The following USP10 variants were observed in gnomAD, a reference collection of about 807,000 sequenced individuals.
The protein encoded by USP10 is ubiquitin carboxyl-terminal hydrolase 10.
USP10 carries 22 observed loss-of-function variants against 84.5 expected under a neutral mutation model. The observed-to-expected ratio is 0.26, with a 90% CI of 0.19 to 0.37. The LOEUF (loss-of-function observed/expected upper bound fraction) is 0.37, where lower values mean the gene tolerates loss of function less well. Ranked by LOEUF, USP10 falls within the 10% of genes least tolerant of loss-of-function variation. The pLI is 1.00. For missense variants in USP10, 1,019 were observed against 998.9 expected, an observed-to-expected ratio of 1.02 and a Z score of -0.27; for synonymous variants, 454 against 387.6, an observed-to-expected ratio of 1.17 and a Z score of -2.01.
At position 84,744,659 on chromosome 16, in the gene USP10, G is replaced by A. The variant is rs1207479696; in HGVS notation, c.178G>A (p.Gly60Ser). 1.9e-6 allele frequency: 3 copies of A among 1,610,836 alleles called. No homozygotes were observed. The Admixed American group carries it at 5.0e-5, about 27-fold the overall frequency. Residue 60 changes from glycine to serine, a missense_variant, in exon 4 of 14, where the codon GGT becomes AGT. Physicochemically the swap from Gly to Ser is moderately conservative, Grantham distance 56. Around this residue, in one of 2 missense-constraint regions of USP10, gnomAD observed 787 missense variants for 708.8 expected, o/e 1.11. Coordinates refer to ENST00000219473, the MANE Select transcript of USP10 (RefSeq NM_005153.3). ...DGQEYQRIEF[G>S]VDEVIEPSDT... is the part of the protein sequence containing the mutation. The stretch of plus-strand genomic sequence containing the variant: ...ACAAGAATATCAGAGAATTGAGTTT[G>A]GTGTCGATGAAGTCATTGAACCCAG...
intron 3 of USP10, among the ~76,000 whole-genome samples, chr16:84,742,053 T>C (rs1910689391): frequency 6.6e-6 from 1 of 152,124 alleles, no homozygotes. Flanking sequence ...TCTCGGCCTT[T>C]TCTATTTTTG....
chr16:84,774,247 A>G (rs1228959078), intron 12 of USP10, among the ~76,000 whole-genome samples: 1 of 151,870 alleles, frequency 6.6e-6, no homozygotes, highest in Non-Finnish European at 1.5e-5. Context: ...CATCTCAAAA[A>G]AATAAATAAA....
intron 4 of USP10, 62 bp downstream of exon 4, chr16:84,745,735 A>G: frequency 2.0e-6 from 3 of 1,506,686 alleles, no homozygotes; most frequent in South Asian, 2.5e-5. Flanking sequence ...AACTGGGCTT[A>G]TAGACTGTGG....
Position 84,744,829 on chromosome 16 carries a change from G to A in USP10, c.348G>A (p.Gln116=), listed in dbSNP as rs1415732917. 5.0e-6 allele frequency: 8 copies of A among 1,613,776 alleles called. No homozygotes were observed. The highest frequency in any genetic ancestry group is 6.8e-6 in the Non-Finnish European group (8 of 1,179,724). ...CAAGCTATGGCTCCATCGACTGCCA[G>A]TACCCAGGCTCTGCCCTCGCTTTGG... The part of the protein sequence containing the change: ...KEASYGSIDC[Q]YPGSALALDG... Residue 116 remains glutamine, a synonymous_variant, in exon 4 of 14, where the codon CAG becomes CAA. Coordinates refer to ENST00000219473, the MANE Select transcript of USP10 (RefSeq NM_005153.3).
chr16:84,722,171 C>T (rs1173049522), intron 1 of USP10, among the ~76,000 whole-genome samples: 1 of 152,210 alleles, frequency 6.6e-6, no homozygotes, highest in African/African-American at 2.4e-5. Context: ...TTTGCCTTTT[C>T]TAGAATTACA....
Position 84,768,306 on chromosome 16 carries a change from G to T in USP10, c.1946G>T (p.Ser649Ile). ...KIRTVQDALE[S>I]LVARESVQGY... is the part of the protein sequence containing the mutation. The stretch of plus-strand genomic sequence containing the variant: ...CGCACAGTCCAGGATGCACTGGAGA[G>T]CTTGGTGGCAAGAGAATCTGTCCAA... The change falls in exon 11 of 14, where the codon AGC (serine) becomes ATC (isoleucine). Residue 649 changes from serine (S) to isoleucine (I), a missense_variant. Ser to Ile is a moderately radical substitution (Grantham distance 142). Coordinates refer to ENST00000219473, the MANE Select transcript of USP10 (RefSeq NM_005153.3). The T allele has an allele frequency of 6.2e-7, 1 of 1,609,980 alleles. No homozygotes were observed. Among genetic ancestry groups the T allele is most frequent in the East Asian group, 2.2e-5 (1 of 44,834 alleles).
chr16:84,770,772 CA>C (rs1241094273), intron 11 of USP10, among the ~76,000 whole-genome samples: 63 of 31,342 alleles, frequency 2.0e-3, no homozygotes, highest in South Asian at 4.0e-3. Context: ...ACTCCGTCCC[CA>C]AAAAAAAAAA....
chr16:84,729,683 T>C (rs558255240), intron 1 of USP10, among the ~76,000 whole-genome samples: 1 of 152,222 alleles, frequency 6.6e-6, no homozygotes, highest in Non-Finnish European at 1.5e-5. Context: ...GTTTTAAATA[T>C]TGCTGAAGTG....
intron 2 of USP10, among the ~76,000 whole-genome samples, chr16:84,736,650 A>G (rs1199951596): frequency 6.6e-6 from 1 of 152,220 alleles, no homozygotes; most frequent in Non-Finnish European, 1.5e-5. Context: ...CCAGAATCTC[A>G]GCTTTGGAAG....
intron 8 of USP10, among the ~76,000 whole-genome samples, chr16:84,762,013 A>C (rs1389865223): frequency 1.3e-5 from 2 of 152,252 alleles, no homozygotes; most frequent in Non-Finnish European, 2.9e-5. Context: ...TAGATGCTTC[A>C]AACAGAACAA....
chr16:84,708,152 G>A (rs1026053654), intron 1 of USP10, among the ~76,000 whole-genome samples: 1 of 151,240 alleles, frequency 6.6e-6, no homozygotes, highest in African/African-American at 2.4e-5. Context: ...GGTGTTCATA[G>A]TGTAAAAAGA....
chr16:84,759,950 A>T lies in USP10; in HGVS notation c.1450+4A>T. ...GTACCTCCAAAACCCCGACAAGGTTAGTAAAAATGAGTTTTGTTGATGCTA... is the reference window on the plus strand; with the variant it reads ...GTACCTCCAAAACCCCGACAAGGTTTGTAAAAATGAGTTTTGTTGATGCTA... On this transcript the variant is annotated splice_donor_region_variant and intron_variant, in intron 7 of 13. Transcript: ENST00000219473. The T allele has an allele frequency of 6.2e-7, 1 of 1,613,932 alleles. No individual in the cohort carries two copies. Among genetic ancestry groups the T allele is most frequent in the Non-Finnish European group, 8.5e-7 (1 of 1,179,778 alleles).
At chr16:84,732,897 T>G (rs1326039464) in intron 1 of USP10, among the ~76,000 whole-genome samples, 1 of 152,238 alleles carries the variant, frequency 6.6e-6, no homozygotes, top group Non-Finnish European at 1.5e-5. Flanking sequence ...TGTGTCTGTC[T>G]GATAATATGT....
chr16:84,706,154 A>G (rs1257488320), intron 1 of USP10, among the ~76,000 whole-genome samples: 1 of 152,158 alleles, frequency 6.6e-6, no homozygotes, highest in African/African-American at 2.4e-5. Context: ...AAGTACTGGG[A>G]TTACAGGTGT....
chr16:84,714,257 G>T (rs28712261), intron 1 of USP10, among the ~76,000 whole-genome samples: 189 of 152,326 alleles, frequency 1.2e-3, no homozygotes, highest in African/African-American at 4.2e-3. Flanking sequence ...TTTGTTCATG[G>T]TATAGTAGTT....
chr16:84,775,744 G>A (rs865827305), intron 13 of USP10, among the ~76,000 whole-genome samples: 4 of 152,180 alleles, frequency 2.6e-5, no homozygotes, highest in African/African-American at 9.7e-5. Flanking sequence ...AGGGTGAATG[G>A]CACCCCCTGT....
At position 84,767,051 on chromosome 16, in the gene USP10, C is replaced by A. The variant is rs59214516; in HGVS notation, c.1833-1142C>A. Reference sequence around the variant, plus strand: ...ATGAGCGGTTTCCCCACTACTGTATCCCTCTCCAGAACCAGGGGAACTGTT... The same window carrying A: ...ATGAGCGGTTTCCCCACTACTGTATACCTCTCCAGAACCAGGGGAACTGTT... On this transcript the variant is annotated intron_variant, in intron 10 of 13. Transcript: ENST00000219473. 9.2e-3 allele frequency among the ~76,000 whole-genome samples: 1,401 copies of A among 152,188 alleles called. 16 individuals carry two copies. Among genetic ancestry groups the A allele is most frequent in the African/African-American group, 0.032 (1,309 of 41,518 alleles).
Position 84,759,962 on chromosome 16 carries a change from T to C in USP10, c.1450+16T>C. ...CCCCGACAAGGTTAGTAAAAATGAG[T>C]TTTGTTGATGCTATTACATATTGGG... On this transcript the variant is annotated intron_variant, in intron 7 of 13. Transcript: ENST00000219473. The C allele has an allele frequency of 5.0e-6, 8 of 1,613,418 alleles. No homozygotes were observed. Among genetic ancestry groups the C allele is most frequent in the Non-Finnish European group, 6.8e-6 (8 of 1,179,400 alleles).
intron 12 of USP10, among the ~76,000 whole-genome samples, chr16:84,773,162 G>C (rs531145056): frequency 1.1e-4 from 17 of 152,190 alleles, no homozygotes; most frequent in African/African-American, 2.6e-4. Context: ...TCACGGGCTC[G>C]GCACTTTTTG....
Sources: allele counts gnomAD v4.1 joint callset (sites outside exome capture counted in the v4.1 genomes callset), GRCh38; gene constraint gnomAD v4.1.1; regional missense constraint gnomAD v4.1.1; transcripts MANE v1.5; gene names NCBI Gene and HGNC (gene_info 2026-07-23, HGNC 2026-07-21).